PAX4: variants seen among roughly 807,000 people sequenced by gnomAD.
PAX4 encodes paired box protein Pax-4.
A neutral mutation model predicts 40.6 loss-of-function variants in PAX4; 33 were observed. That is an observed-to-expected ratio of 0.81 (90% CI 0.62 to 1.09). The LOEUF is 1.09. PAX4 is among the 50% of genes least tolerant of loss of function. PAX4 has a pLI of 0.00. For synonymous variants in PAX4, 174 were observed against 170.6 expected, an observed-to-expected ratio of 1.02 and a Z score of -0.16; for missense variants, 459 against 442.5, an observed-to-expected ratio of 1.04 and a Z score of -0.33.
chr7:127,615,549 G>C lies in PAX4; in HGVS notation c.14-18C>G. ...GCTGATCCCTGGGCGTGAGACAGAG[G>C]TATCCACACACCACCTCTCCCACTG... On this transcript the variant is annotated intron_variant, in intron 3 of 11. Coordinates refer to ENST00000639438, the MANE Select transcript of PAX4 (RefSeq NM_001366110.1). The C allele has an allele frequency of 6.2e-7, 1 of 1,613,390 alleles. No homozygotes were observed. Among genetic ancestry groups the C allele is most frequent in the African/African-American group, 1.3e-5 (1 of 75,018 alleles).
In PAX4 at chr7:127,614,964, C is replaced by A. The variant is rs372560810; in HGVS notation, c.276G>T (p.Lys92Asn). 24 of 1,614,094 alleles carry A rather than the reference C, an allele frequency of 1.5e-5. No homozygotes were observed. The highest frequency in any genetic ancestry group is 2.0e-5 in the Non-Finnish European group (24 of 1,180,050). ...AGGCAAAGAGGGCTGGACACTCACC[C>A]TTCAGCTGGGCAATTCGAGCCACCA... ...PPVVARIAQL[K>N]GECPALFAWE... Residue 92 changes from lysine to asparagine, a missense_variant, in exon 5 of 12, where the codon AAG becomes AAT. Physicochemically the swap from Lys to Asn is moderately conservative, Grantham distance 94. Coordinates refer to ENST00000639438, the MANE Select transcript of PAX4 (RefSeq NM_001366110.1).
At chr7:127,613,643 A>T in intron 7 of PAX4, 111 bp from the exon 8 acceptor site, 1 of 1,525,196 alleles carries the variant, frequency 6.6e-7, no homozygotes, top group East Asian at 2.3e-5. Context: ...CTTCCTCCTC[A>T]AGGCAGGGCC....
chr7:127,610,906 C>T lies in PAX4; in HGVS notation c.*158G>A, dbSNP rs1474413917. On this transcript the variant is annotated 3_prime_UTR_variant, in exon 12 of 12. Transcript: ENST00000639438. ...TACCAGCCCCTCCAATCAGGTGATG[C>T]GCCAGAGAGGCATCGAGGCAGGGCC... 1.2e-5 allele frequency: 18 copies of T among 1,544,460 alleles called. No homozygotes were observed. The highest frequency in any genetic ancestry group is 2.0e-5 in the Admixed American group (1 of 51,006).
intron 11 of PAX4, 99 bp downstream of exon 11, chr7:127,611,436 C>T: frequency 6.3e-7 from 1 of 1,595,850 alleles, no homozygotes; most frequent in Non-Finnish European, 8.5e-7. Flanking sequence ...TATTGAGATT[C>T]CTTTGATGAC....
chr7:127,613,602 A>G (rs1299300639), intron 7 of PAX4, 70 bp from the exon 8 acceptor site: 3 of 1,585,636 alleles, frequency 1.9e-6, no homozygotes, highest in Non-Finnish European at 1.7e-6. Flanking sequence ...CCCTTAGGCA[A>G]CACTCCCCAC....
chr7:127,615,743 G>A lies in PAX4; in HGVS notation c.13+173C>T, dbSNP rs548810830. ...GAGTCTTTGTTCCTTGCCCATACCCGCCAACTCTCCTGATCTAAGGGAAGC... is the reference window on the plus strand; with the variant it reads ...GAGTCTTTGTTCCTTGCCCATACCCACCAACTCTCCTGATCTAAGGGAAGC... On this transcript the variant is annotated intron_variant, in intron 3 of 11. Coordinates refer to ENST00000639438, the MANE Select transcript of PAX4 (RefSeq NM_001366110.1). The A allele has an allele frequency of 2.3e-5, 35 of 1,495,298 alleles. No individual in the cohort carries two copies. The East Asian group carries it at 3.5e-4, about 15-fold the overall frequency. The allele number at this position is 1,495,298 out of a possible 1,614,324, so 92.6% of individuals were successfully genotyped here.
chr7:127,613,201 C>A lies in PAX4; in HGVS notation c.646-110G>T, dbSNP rs146942031. On this transcript the variant is annotated intron_variant, in intron 8 of 11. Coordinates refer to ENST00000639438, the MANE Select transcript of PAX4 (RefSeq NM_001366110.1). ...CTCAGAATGTTGACCCTTCCTTGGG[C>A]CTGACATCCTCCCTCCCTGCTCTAG... The A allele has an allele frequency of 6.4e-3, 6,155 of 958,428 alleles. 35 individuals are homozygous for A. Among genetic ancestry groups the A allele is most frequent in the Middle Eastern group, 0.014 (54 of 3,828 alleles). 59.4% of individuals were successfully genotyped at this position (958,428 alleles called of 1,614,324 possible).
intron 9 of PAX4, 50 bp downstream of exon 9, chr7:127,612,970 TGG>T: frequency 1.5e-6 from 2 of 1,330,982 alleles, no homozygotes; most frequent in Non-Finnish European, 2.2e-6. Flanking sequence ...GATGGATGGA[TGG>T]ATGGATAGAT....
At chr7:127,615,858 A>T in intron 3 of PAX4, 58 bp downstream of exon 3, 1 of 1,535,240 alleles carries the variant, frequency 6.5e-7, no homozygotes, top group Non-Finnish European at 8.7e-7. Context: ...CAAAGCCCTG[A>T]GGTCTTCCCC....
rs761723195 is a variant in PAX4 at position 127,610,955 on chromosome 7, G to A, written c.*109C>T. On this transcript the variant is annotated 3_prime_UTR_variant, in exon 12 of 12. Transcript: ENST00000639438. ...CCAGGCAACGTCCACACAGGAGGGA[G>A]CAATCACAGGAAGGAGGAAGGAGCC... 2 of 1,550,616 alleles carry A rather than the reference G, an allele frequency of 1.3e-6. No individual in the cohort carries two copies. Among genetic ancestry groups the A allele is most frequent in the Non-Finnish European group, 1.7e-6 (2 of 1,147,106 alleles).
rs1449271946 is a variant in PAX4, at chr7:127,610,649, A to G, written c.*415T>C. ...GGTAAATTGATGCATTGACAAATAC[A>G]TTGTTTAGATACATGTATTGCCTAC... On this transcript the variant is annotated 3_prime_UTR_variant, in exon 12 of 12. Coordinates refer to ENST00000639438, the MANE Select transcript of PAX4 (RefSeq NM_001366110.1). The G allele has an allele frequency of 1.0e-5, 6 of 588,270 alleles. No individual in the cohort carries two copies. Among genetic ancestry groups the G allele is most frequent in the South Asian group, 2.0e-5 (1 of 49,694 alleles). 36.4% of individuals were successfully genotyped at this position (588,270 alleles called of 1,614,324 possible). A position where few individuals can be genotyped will look rare whatever the true frequency, so the allele number is the denominator to read the frequency against.
In PAX4 at chr7:127,610,315, C is replaced by T. The variant is rs770648451; in HGVS notation, c.*749G>A. 1.3e-5 allele frequency: 2 copies of T among 155,648 alleles called. No individual in the cohort carries two copies. Among genetic ancestry groups the T allele is most frequent in the Non-Finnish European group, 2.8e-5 (2 of 70,236 alleles). 9.6% of individuals were successfully genotyped at this position (155,648 alleles called of 1,614,324 possible). On this transcript the variant is annotated 3_prime_UTR_variant, in exon 12 of 12. Transcript: ENST00000639438. The stretch of plus-strand genomic sequence containing the variant: ...GCAGAATATGAAAAATGGCATTTCA[C>T]TCTGTTTGCTGCTATGACAAAAATA...
At position 127,612,962 on chromosome 7, in the gene PAX4, T is replaced by C. The variant is rs552199947; in HGVS notation, c.715+60A>G. On this transcript the variant is annotated intron_variant, in intron 9 of 11. Coordinates refer to ENST00000639438, the MANE Select transcript of PAX4 (RefSeq NM_001366110.1). ...ATGGATGGATGGATGGATGGATGGATGGATGGATGGATGGATAGATGACTG... is the reference window on the plus strand; with the variant it reads ...ATGGATGGATGGATGGATGGATGGACGGATGGATGGATGGATAGATGACTG... The C allele has an allele frequency of 7.3e-5, 91 of 1,244,970 alleles. 1 individual carries two copies. The highest frequency in any genetic ancestry group is 5.0e-4 in the South Asian group (42 of 83,328). 77.1% of individuals were successfully genotyped at this position (1,244,970 alleles called of 1,614,324 possible).
Position 127,611,000 on chromosome 7 carries a change from C to A in PAX4, c.*64G>T. 1 of 1,556,440 alleles carries A rather than the reference C, an allele frequency of 6.4e-7. No homozygotes were observed. Among genetic ancestry groups the A allele is most frequent in the Non-Finnish European group, 8.7e-7 (1 of 1,149,040 alleles). On this transcript the variant is annotated 3_prime_UTR_variant, in exon 12 of 12. Coordinates refer to ENST00000639438, the MANE Select transcript of PAX4 (RefSeq NM_001366110.1). Reference sequence around the variant, plus strand: ...GGAGCCACAGTCTGTATGGGCAGGACGGTAAGGACAATGGGCAGGATGGTA... The same window carrying A: ...GGAGCCACAGTCTGTATGGGCAGGAAGGTAAGGACAATGGGCAGGATGGTA...
In PAX4 at chr7:127,614,471, C is replaced by T; in HGVS notation, c.436+11G>A. On this transcript the variant is annotated intron_variant, in intron 6 of 11. Coordinates refer to ENST00000639438, the MANE Select transcript of PAX4 (RefSeq NM_001366110.1). ...GCTGTGATTAGCCCTGGGGACAACT[C>T]CAAGACCCACCTGGTGACCTGAGCC... The T allele has an allele frequency of 1.9e-6, 3 of 1,586,392 alleles. No individual in the cohort carries two copies. The highest frequency in any genetic ancestry group is 2.6e-6 in the Non-Finnish European group (3 of 1,165,032).
chr7:127,610,297 A>G lies in PAX4; in HGVS notation c.*767T>C, dbSNP rs927304873. The G allele has an allele frequency of 6.4e-6, 1 of 156,508 alleles. No individual in the cohort carries two copies. The highest frequency in any genetic ancestry group is 1.4e-5 in the Non-Finnish European group (1 of 70,702). The allele number at this position is 156,508 out of a possible 1,614,324, so 9.7% of individuals were successfully genotyped here. A position where few individuals can be genotyped will look rare whatever the true frequency, so the allele number is the denominator to read the frequency against. ...AGCACATATAAATGGAAAGCAGAAT[A>G]TGAAAAATGGCATTTCACTCTGTTT... is the stretch of plus-strand genomic sequence containing the variant. On this transcript the variant is annotated 3_prime_UTR_variant, in exon 12 of 12. Transcript: ENST00000639438.
chr7:127,616,038 G>T lies in PAX4; in HGVS notation c.-99-11C>A, dbSNP rs914820467. The T allele has an allele frequency of 1.5e-6, 2 of 1,300,706 alleles. No homozygotes were observed. The highest frequency in any genetic ancestry group is 2.1e-6 in the Non-Finnish European group (2 of 937,624). The allele number at this position is 1,300,706 out of a possible 1,614,324, so 80.6% of individuals were successfully genotyped here. The stretch of plus-strand genomic sequence containing the variant: ...GCTTGGGGGCTGGCTCTGCAATAAT[G>T]GGGGGTTATTTGGGTGAGGTCTTTT... On this transcript the variant is annotated splice_polypyrimidine_tract_variant and intron_variant, in intron 2 of 11. Transcript: ENST00000639438.
Position 127,615,429 on chromosome 7 carries a change from C to A in PAX4, c.116G>T (p.Arg39Leu), listed in dbSNP as rs115887120. 303 of 1,614,198 alleles carry A rather than the reference C, an allele frequency of 1.9e-4. 2 individuals carry two copies. In the South Asian group the frequency reaches 3.1e-3, roughly 16 times the overall value. ...AAGGATCCGTGAGATGTCACAGGGC[C>A]GCATTCCACTGACTGCTAGCCGCAC... is the stretch of plus-strand genomic sequence containing the variant. ...QIVRLAVSGM[R>L]PCDISRILKV... is the part of the protein sequence containing the mutation. The change falls in exon 4 of 12, where the codon CGG (arginine) becomes CTG (leucine). Residue 39 changes from arginine to leucine, a missense_variant. By Grantham distance (102) the Arg-to-Leu change is moderately radical. Coordinates refer to ENST00000639438, the MANE Select transcript of PAX4 (RefSeq NM_001366110.1).
At chr7:127,613,300 G>T in intron 8 of PAX4, 150 bp downstream of exon 8, 2 of 869,834 alleles carry the variant, frequency 2.3e-6, no homozygotes, top group Middle Eastern at 2.1e-4. Context: ...AGCAGAAGGT[G>T]AACAAGGAGG....
Sources: gnomAD v4.1 joint callset for allele counts on GRCh38, gnomAD v4.1.1 for gene constraint, MANE v1.5 for transcripts, NCBI Gene and HGNC (gene_info 2026-07-23, HGNC 2026-07-21) for gene names.